Variants in ATP2B2 observed in about 807,000 individuals in gnomAD.
ATP2B2 encodes the protein ATPase plasma membrane Ca2+ transporting 2.
In ATP2B2, 15 loss-of-function variants were observed where a neutral mutation model predicts 120.0. The observed-to-expected ratio is 0.12, with a 90% CI of 0.08 to 0.19. The LOEUF (loss-of-function observed/expected upper bound fraction) is 0.19, where lower values mean the gene tolerates loss of function less well. Ranked by LOEUF, ATP2B2 falls within the 10% of genes least tolerant of loss-of-function variation. The pLI is 1.00. For synonymous variants in ATP2B2, 694 were observed against 700.3 expected, an observed-to-expected ratio of 0.99 and a Z score of 0.14; for missense variants, 1,045 against 1,719.8, an observed-to-expected ratio of 0.61 and a Z score of 6.94.
intron 2 of ATP2B2, among the ~76,000 whole-genome samples, chr3:10,597,667 G>A (rs937595034): frequency 3.9e-5 from 6 of 152,178 alleles, no homozygotes; most frequent in South Asian, 2.1e-4. Context: ...TTTGAATCTC[G>A]GTTCTACCTC....
chr3:10,634,275 C>T (rs746790539), intron 1 of ATP2B2, among the ~76,000 whole-genome samples: 3 of 152,220 alleles, frequency 2.0e-5, no homozygotes, highest in Non-Finnish European at 4.4e-5. Context: ...TCTGAGGCTA[C>T]GTGACTTGTT....
intron 12 of ATP2B2, among the ~76,000 whole-genome samples, chr3:10,360,360 T>C (rs1014083525): frequency 6.6e-6 from 1 of 152,216 alleles, no homozygotes; most frequent in Non-Finnish European, 1.5e-5. Flanking sequence ...TATGAATTAT[T>C]TCAAACATGA....
chr3:10,365,141 G>A (rs1376399502), intron 12 of ATP2B2, among the ~76,000 whole-genome samples: 4 of 152,228 alleles, frequency 2.6e-5, no homozygotes, highest in African/African-American at 9.6e-5. Flanking sequence ...CCGAAGCAGG[G>A]GGTCTGGGCC....
intron 1 of ATP2B2, among the ~76,000 whole-genome samples, chr3:10,687,195 TA>T (rs2071544761): frequency 1.3e-5 from 2 of 152,216 alleles, no homozygotes; most frequent in South Asian, 4.1e-4. Flanking sequence ...CTGCCTTGGG[TA>T]GCCACTTAAC....
chr3:10,352,849 C>T (rs931992199), intron 14 of ATP2B2, among the ~76,000 whole-genome samples: 1 of 152,224 alleles, frequency 6.6e-6, no homozygotes, highest in Admixed American at 6.5e-5. Flanking sequence ...TGGGAACGCA[C>T]ACCTTATCTG....
chr3:10,524,136 T>G (rs1390413967), intron 3 of ATP2B2, among the ~76,000 whole-genome samples: 1 of 152,050 alleles, frequency 6.6e-6, no homozygotes, highest in Non-Finnish European at 1.5e-5. Flanking sequence ...CCAGCTGACT[T>G]CATTAAGGGC....
intron 2 of ATP2B2, among the ~76,000 whole-genome samples, chr3:10,414,493 C>T (rs2062716487): frequency 6.6e-6 from 1 of 152,186 alleles, no homozygotes; most frequent in African/African-American, 2.4e-5. Flanking sequence ...CTGGAGCAAA[C>T]TGAAGAACCT....
chr3:10,534,997 G>A lies in ATP2B2; in HGVS notation c.-414-864C>T, dbSNP rs372821261. 2.0e-4 allele frequency among the ~76,000 whole-genome samples: 29 copies of A among 146,294 alleles called. No individual in the cohort carries two copies. In the East Asian group the frequency reaches 4.9e-3, roughly 25 times the overall value. Reference sequence around the variant, plus strand: ...CAGCTCACTGAGATCTCTGCCTCCCGGGTTCAAGCGATTTTCCTGCCTCAG... The same window carrying A: ...CAGCTCACTGAGATCTCTGCCTCCCAGGTTCAAGCGATTTTCCTGCCTCAG... On this transcript the variant is annotated intron_variant, in intron 2 of 21. Coordinates refer to the ATP2B2 transcript ENST00000646379.
intron 2 of ATP2B2, among the ~76,000 whole-genome samples, chr3:10,538,463 T>C (rs972181072): frequency 9.2e-5 from 14 of 152,196 alleles, no homozygotes; most frequent in Non-Finnish European, 1.9e-4. Context: ...TGAACATCGA[T>C]GCAAAAACCC....
In ATP2B2 at chr3:10,678,872, C is replaced by T. The variant is rs534809880; in HGVS notation, c.-460+29043G>A. Among the ~76,000 whole-genome samples the T allele has an allele frequency of 2.6e-5, 4 of 152,246 alleles. No homozygotes were observed. In the South Asian group the frequency reaches 6.2e-4, roughly 24 times the overall value. ...GTCTATGAATATGATGGGATATCAT[C>T]CCGTGGTCATGTGAGGTTATATAGC... On this transcript the variant is annotated intron_variant, in intron 1 of 21. Transcript: ENST00000646379.
At chr3:10,584,437 G>T (rs1415590571) in intron 2 of ATP2B2, among the ~76,000 whole-genome samples, 2 of 152,104 alleles carry the variant, frequency 1.3e-5, no homozygotes, top group Admixed American at 1.3e-4. Flanking sequence ...ACACAACCAT[G>T]GAGGCTCTAC....
At chr3:10,698,291 T>C (rs2071769264) in intron 1 of ATP2B2, among the ~76,000 whole-genome samples, 1 of 152,162 alleles carries the variant, frequency 6.6e-6, no homozygotes, top group Non-Finnish European at 1.5e-5. Context: ...CTGTGAGATA[T>C]TCAGGGGATG....
In ATP2B2 at chr3:10,363,447, C is replaced by A. The variant is rs141453235; in HGVS notation, c.1660-3324G>T. 2.9e-3 allele frequency among the ~76,000 whole-genome samples: 445 copies of A among 152,340 alleles called. 3 individuals are homozygous for A. Among genetic ancestry groups the A allele is most frequent in the African/African-American group, 0.01 (431 of 41,564 alleles). ...GACCTGCAGAGGGTCAGGCCTGGGA[C>A]TGCCCCAGAGCCCCTGATTCCAGTT... On this transcript the variant is annotated intron_variant, in intron 12 of 22. Transcript: ENST00000360273.
chr3:10,668,113 GT>G (rs1328541548), intron 1 of ATP2B2, among the ~76,000 whole-genome samples: 1 of 152,208 alleles, frequency 6.6e-6, no homozygotes, highest in African/African-American at 2.4e-5. Flanking sequence ...TGGCATTGGG[GT>G]GTGGCCTCCC....
At chr3:10,366,760 G>A (rs1423082243) in intron 12 of ATP2B2, among the ~76,000 whole-genome samples, 2 of 152,190 alleles carry the variant, frequency 1.3e-5, no homozygotes, top group Admixed American at 1.3e-4. Context: ...GCTGTGGCTC[G>A]GAGGAGCAGC....
intron 2 of ATP2B2, among the ~76,000 whole-genome samples, chr3:10,545,952 C>T (rs995944984): frequency 2.6e-5 from 4 of 152,164 alleles, no homozygotes; most frequent in African/African-American, 9.6e-5. Context: ...TCACACGATT[C>T]CAACAAGAAA....
chr3:10,345,955 G>C, intron 17 of ATP2B2, 76 bp downstream of exon 17: 1 of 1,425,738 alleles, frequency 7.0e-7, no homozygotes, highest in Non-Finnish European at 9.6e-7. Flanking sequence ...TGGGGCTCCT[G>C]AGTAGCCAGC....
intron 2 of ATP2B2, among the ~76,000 whole-genome samples, chr3:10,563,391 C>T (rs992710285): frequency 6.6e-6 from 1 of 152,202 alleles, no homozygotes; most frequent in Non-Finnish European, 1.5e-5. Flanking sequence ...ATCAATAATC[C>T]AATTAGGCCA....
At chr3:10,690,432 ATATCTATCTATCTATCTATCTATC>A (rs58646066) in intron 1 of ATP2B2, among the ~76,000 whole-genome samples, 9 of 148,804 alleles carry the variant, frequency 6.0e-5, no homozygotes, top group Non-Finnish European at 1.2e-4. Context: ...ATCTATATCT[ATATCTATCTATCTATCTATCTATC>A]TATCTATCTA....
Sources: gnomAD v4.1 joint callset for allele counts (sites outside exome capture counted in the v4.1 genomes callset) on GRCh38, gnomAD v4.1.1 for gene constraint, MANE v1.5 for transcripts, NCBI Gene and HGNC (gene_info 2026-07-23, HGNC 2026-07-21) for gene names.